Variants in CIAO3 observed in about 807,000 individuals in gnomAD.
CIAO3 encodes the protein LET1 like/JFP15.
CIAO3 carries 45 observed loss-of-function variants against 51.5 expected under a neutral mutation model. The observed-to-expected ratio is 0.87, with a 90% CI of 0.69 to 1.12. The LOEUF (loss-of-function observed/expected upper bound fraction) is 1.12. Among genes scored for constraint, CIAO3 ranks in the 50% most tolerant of loss-of-function variants. The pLI, the probability that CIAO3 is intolerant of heterozygous loss-of-function variation, is 0.00. For synonymous variants in CIAO3, 314 were observed against 269.3 expected (o/e 1.17, Z -1.63); for missense variants, 668 against 632.5 (o/e 1.06, Z -0.60).
rs1229378498 is a variant in CIAO3, at chr16:733,308, G to A, written c.813C>T (p.Val271=). Residue 271 remains valine (V), a synonymous_variant, in exon 7 of 11, where the codon GTC becomes GTT. Transcript: ENST00000251588. ...ACGGCGTGACCGCACCTGTTGTGAGGACACAGTCCACATCCCGTGTCTGGT... is the reference window on the plus strand; with the variant it reads ...ACGGCGTGACCGCACCTGTTGTGAGAACACAGTCCACATCCCGTGTCTGGT... ...QEHQTRDVDC[V]LTTGEVFRLL... 1.9e-6 allele frequency: 3 copies of A among 1,613,592 alleles called. No individual in the cohort carries two copies. Among genetic ancestry groups the A allele is most frequent in the Admixed American group, 1.7e-5 (1 of 60,022 alleles).
intron 4 of CIAO3, chr16:735,497 C>T (rs1215588388): frequency 6.6e-6 from 1 of 152,358 alleles, no homozygotes; most frequent in Non-Finnish European, 1.5e-5. Context: ...CCGTCATCAT[C>T]ATCTCTAAGT....
At chr16:740,812 G>T in intron 1 of CIAO3, 108 bp downstream of exon 1, 1 of 1,205,916 alleles carries the variant, frequency 8.3e-7, no homozygotes, top group Non-Finnish European at 1.2e-6. Context: ...CGGGCTCCCG[G>T]GATTCGGATC....
Position 731,905 on chromosome 16 carries a change from G to A in CIAO3, c.897-203C>T, listed in dbSNP as rs2041287519. 8 of 693,542 alleles carry A rather than the reference G, an allele frequency of 1.2e-5. No homozygotes were observed. In the South Asian group the frequency reaches 1.6e-4, roughly 14 times the overall value. The allele number at this position is 693,542 out of a possible 1,614,324, so 43.0% of individuals were successfully genotyped here. A position where few individuals can be genotyped will look rare whatever the true frequency, so the allele number is the denominator to read the frequency against. On this transcript the variant is annotated intron_variant, in intron 8 of 10. Transcript: ENST00000251588. ...TTTTTTTGAGACGGAGTCTTGCTCTGTCGCCCAGGCTGGAGTGCAGTGGCG... is the reference window on the plus strand; with the variant it reads ...TTTTTTTGAGACGGAGTCTTGCTCTATCGCCCAGGCTGGAGTGCAGTGGCG...
intron 5 of CIAO3, 41 bp from the exon 6 acceptor site, chr16:734,388 GGCGGCCCCCGCACCCACAGGCA>G (rs1205660993): frequency 9.7e-6 from 14 of 1,436,586 alleles, no homozygotes; most frequent in Admixed American, 1.9e-5. Flanking sequence ...GGGGGCGCAC[GGCGGCCCCCGCACCCACAGGCA>G]GCAGCACGAC....
Position 734,746 on chromosome 16 carries a change from C to T in CIAO3, c.565G>A (p.Ala189Thr). 1 of 1,612,580 alleles carries T rather than the reference C, an allele frequency of 6.2e-7. No homozygotes were observed. The highest frequency in any genetic ancestry group is 8.5e-7 in the Non-Finnish European group (1 of 1,179,674). Reference sequence around the variant, plus strand: ...CGCACCATGAGCACACCTGGGCAGGCAGAGGCCAGCAGGGGCAGCGCCTGT... The same window carrying T: ...CGCACCATGAGCACACCTGGGCAGGTAGAGGCCAGCAGGGGCAGCGCCTGT... The part of the protein sequence containing the change: ...CRQALPLLAS[A>T]CPGWICYAEK... The change falls in exon 5 of 11, where the codon GCC becomes ACC. Residue 189 changes from alanine to threonine, a missense_variant. Transcript: ENST00000251588.
At chr16:739,083 G>T (rs1207630314) in intron 2 of CIAO3, among the ~76,000 whole-genome samples, 8 of 151,676 alleles carry the variant, frequency 5.3e-5, no homozygotes, top group African/African-American at 4.8e-5. Flanking sequence ...GGATCACGAG[G>T]TCAGGAGATT....
At chr16:732,741 AC>A (rs2041297690) in intron 7 of CIAO3, 2 of 346,326 alleles carry the variant, frequency 5.8e-6, no homozygotes, top group African/African-American at 4.3e-5. Context: ...GGATCAAGTG[AC>A]TCTCCTGCCT....
intron 5 of CIAO3, 188 bp downstream of exon 5, chr16:734,549 C>T (rs747607533): frequency 1.1e-4 from 116 of 1,098,334 alleles, no homozygotes; most frequent in Middle Eastern, 3.9e-4. Context: ...GGTGACTGCG[C>T]GTGGCTCCCA....
chr16:730,884 C>A lies in CIAO3; in HGVS notation c.1151G>T (p.Arg384Leu), dbSNP rs149182704. ...GACCTCCACGTAGTGGTAGGGGCAG[C>A]GCCCTCGTTTGAGCCTCTGCACCAG... ...QNLVQRLKRG[R>L]CPYHYVEVMA... The change falls in exon 10 of 11, where the codon CGC becomes CTC. Residue 384 changes from arginine to leucine, a missense_variant. Transcript: ENST00000251588. 3.1e-6 allele frequency: 5 copies of A among 1,612,738 alleles called. No homozygotes were observed. Among genetic ancestry groups the A allele is most frequent in the Non-Finnish European group, 4.2e-6 (5 of 1,180,014 alleles).
At chr16:733,875 G>C (rs2041310532) in intron 6 of CIAO3, 1 of 375,562 alleles carries the variant, frequency 2.7e-6, no homozygotes, top group Non-Finnish European at 5.0e-6. Context: ...TGCTGGCTGA[G>C]TGTCTTCAGG....
At position 736,339 on chromosome 16, in the gene CIAO3, T is replaced by C. The variant is rs2041337474; in HGVS notation, c.366A>G (p.Ala122=). The change falls in exon 4 of 11, where the codon GCA becomes GCG. Residue 122 remains alanine (A), a synonymous_variant. Transcript: ENST00000251588. ...TCAGCTGAAACCGTGCAGCCAGCGA[T>C]GCTCTAGACTGTGGTGAGACCGAAA... ...VVVSVSPQSR[A]SLAARFQLNP... 6.2e-7 allele frequency: 1 copy of C among 1,613,088 alleles called. No homozygotes were observed. Among genetic ancestry groups the C allele is most frequent in the Non-Finnish European group, 8.5e-7 (1 of 1,179,824 alleles).
At position 739,657 on chromosome 16, in the gene CIAO3, A is replaced by G; in HGVS notation, c.148T>C (p.Phe50Leu). 1 of 1,614,140 alleles carries G rather than the reference A, an allele frequency of 6.2e-7. No homozygotes were observed. Reference sequence around the variant, plus strand: ...CTGTGCCTTACTTGGTTAATTTGGAAGTAGCTCCCGTCATCTTCAATGCGA... The same window carrying G: ...CTGTGCCTTACTTGGTTAATTTGGAGGTAGCTCCCGTCATCTTCAATGCGA... ...KIRIEDDGSY[F>L]QINQDGGTRR... Residue 50 changes from phenylalanine to leucine, a missense_variant, in exon 2 of 11, where the codon TTC becomes CTC. Coordinates refer to ENST00000251588, the MANE Select transcript of CIAO3 (RefSeq NM_022493.3).
rs1165270169 is a variant in CIAO3, at chr16:731,175, C to G, written c.1035-175G>C. The G allele has an allele frequency of 4.8e-6, 4 of 837,652 alleles. No homozygotes were observed. In the Admixed American group the frequency reaches 1.2e-4, roughly 24 times the overall value. The allele number at this position is 837,652 out of a possible 1,614,324, so 51.9% of individuals were successfully genotyped here. Reference sequence around the variant, plus strand: ...AGAGAGAGGGTGGAAGGCTCACTTCCTTGAGTCCAGCAGGGGACCTCACCT... The same window carrying G: ...AGAGAGAGGGTGGAAGGCTCACTTCGTTGAGTCCAGCAGGGGACCTCACCT... On this transcript the variant is annotated intron_variant, in intron 9 of 10. Coordinates refer to ENST00000251588, the MANE Select transcript of CIAO3 (RefSeq NM_022493.3).
intron 7 of CIAO3, chr16:732,863 C>T: frequency 3.2e-6 from 1 of 317,014 alleles, no homozygotes; most frequent in African/African-American, 2.2e-5. Flanking sequence ...GTCTTGAACT[C>T]CTGACCTCGT....
Position 730,236 on chromosome 16 carries a change from A to G in CIAO3, c.*181T>C, listed in dbSNP as rs540597679. ...ACCTGGGCAGAGCCAGTGGGAACCC[A>G]GAGGCACCCAACTGGAGGTGACGAG... On this transcript the variant is annotated 3_prime_UTR_variant, in exon 11 of 11. Transcript: ENST00000251588. The G allele has an allele frequency of 3.1e-4, 201 of 641,084 alleles. 1 individual carries two copies. The highest frequency in any genetic ancestry group is 2.1e-3 in the East Asian group (77 of 36,326). The allele number at this position is 641,084 out of a possible 1,614,324, so 39.7% of individuals were successfully genotyped here. A position where few individuals can be genotyped will look rare whatever the true frequency, so the allele number is the denominator to read the frequency against.
At chr16:736,431 G>A (rs1462624081) in intron 3 of CIAO3, 33 bp from the exon 4 acceptor site, 1 of 1,611,096 alleles carries the variant, frequency 6.2e-7, no homozygotes, top group Non-Finnish European at 8.5e-7. Flanking sequence ...TGCTTACTCT[G>A]CTGGCCTTAT....
rs549562925 is a variant in CIAO3 at position 737,252 on chromosome 16, G to A, written c.240C>T (p.Ser80=). 13 of 1,613,488 alleles carry A rather than the reference G, an allele frequency of 8.1e-6. No homozygotes were observed. Among genetic ancestry groups the A allele is most frequent in the African/African-American group, 4.0e-5 (3 of 74,934 alleles). ...GCTGGGTGATAAGCACGGTCTCTGC[G>A]GAGGTGATGCAGCCGCTGCACGCCA... is the stretch of plus-strand genomic sequence containing the variant. The part of the protein sequence containing the change: ...DCLACSGCIT[S]AETVLITQQS... The change falls in exon 3 of 11, where the codon TCC becomes TCT. Residue 80 remains serine, a synonymous_variant. Coordinates refer to ENST00000251588, the MANE Select transcript of CIAO3 (RefSeq NM_022493.3). The surrounding 1 kb of genome is among the most constrained non-coding windows in gnomAD (Gnocchi z 5.3).
Position 731,656 on chromosome 16 carries a change from C to T in CIAO3, c.943G>A (p.Gly315Ser). 1 of 1,557,766 alleles carries T rather than the reference C, an allele frequency of 6.4e-7. No individual in the cohort carries two copies. The highest frequency in any genetic ancestry group is 8.7e-7 in the Non-Finnish European group (1 of 1,151,590). Reference protein sequence around the residue: ...AEEPTSHRGGGSGGYLEHVFR... With the variant: ...AEEPTSHRGGSSGGYLEHVFR... ...ACGTGCTCCAGGTAGCCCCCCGAGCCCCCTCCCCGATGGCTGGTGGGCTCC... is the reference window on the plus strand; with the variant it reads ...ACGTGCTCCAGGTAGCCCCCCGAGCTCCCTCCCCGATGGCTGGTGGGCTCC... The change falls in exon 9 of 11, where the codon GGC becomes AGC. Residue 315 changes from glycine to serine, a missense_variant. Coordinates refer to ENST00000251588, the MANE Select transcript of CIAO3 (RefSeq NM_022493.3).
rs557784834 is a variant in CIAO3, at chr16:737,049, T to A, written c.306+137A>T. 9.0e-7 allele frequency: 1 copy of A among 1,106,210 alleles called. No homozygotes were observed. Among genetic ancestry groups the A allele is most frequent in the African/African-American group, 1.5e-5 (1 of 64,982 alleles). The allele number at this position is 1,106,210 out of a possible 1,614,324, so 68.5% of individuals were successfully genotyped here. On this transcript the variant is annotated intron_variant, in intron 3 of 10. Transcript: ENST00000251588. This position sits in a 1 kb window ranked among gnomAD's most constrained non-coding sequence, Gnocchi z 5.3. Reference sequence around the variant, plus strand: ...GGAGCCCACTGACAAATCACCAAGATTCCAAGCCTCAAAAAGGCAGGCGCC... The same window carrying A: ...GGAGCCCACTGACAAATCACCAAGAATCCAAGCCTCAAAAAGGCAGGCGCC...
Sources: allele counts gnomAD v4.1 joint callset (sites outside exome capture counted in the v4.1 genomes callset), GRCh38; gene constraint gnomAD v4.1.1; non-coding constraint Gnocchi (gnomAD v3.1); transcripts MANE v1.5; gene names NCBI Gene and HGNC (gene_info 2026-07-23, HGNC 2026-07-21).